Variants in SCD5 observed in about 807,000 individuals in gnomAD.
SCD5 encodes the protein acyl-CoA-desaturase 4.
Under a neutral mutation model 30.4 loss-of-function variants are expected in SCD5, and 20 were observed. That is an observed-to-expected ratio of 0.66 (90% CI 0.46 to 0.96). The LOEUF (loss-of-function observed/expected upper bound fraction) is 0.96, where lower values mean the gene tolerates loss of function less well. Among genes scored for constraint, SCD5 ranks in the 40% least tolerant of loss-of-function variants. SCD5 has a pLI of 0.00. For synonymous variants in SCD5, 173 were observed against 176.4 expected (o/e 0.98, Z 0.16); for missense variants, 381 against 443.3 (o/e 0.86, Z 1.26).
intron 4 of SCD5, among the ~76,000 whole-genome samples, chr4:82,634,567 C>T (rs1321263486): frequency 6.6e-6 from 1 of 152,124 alleles, no homozygotes; most frequent in Non-Finnish European, 1.5e-5. Context: ...CAGAAACAGA[C>T]ATTATGATGT....
chr4:82,753,772 G>T (rs1289956718), intron 1 of SCD5, among the ~76,000 whole-genome samples: 1 of 152,022 alleles, frequency 6.6e-6, no homozygotes, highest in Non-Finnish European at 1.5e-5. Context: ...TATAGGAAAA[G>T]CAGCCAGCAC....
intron 1 of SCD5, among the ~76,000 whole-genome samples, chr4:82,795,748 G>A (rs985035598): frequency 1.9e-4 from 28 of 145,018 alleles, no homozygotes; most frequent in African/African-American, 7.0e-4. Context: ...CTTGAGCCCA[G>A]GAGACTGAGA....
intron 4 of SCD5, 108 bp downstream of exon 4, chr4:82,636,468 GCTCAAGTTCACTGAA>G: frequency 1.8e-6 from 1 of 549,630 alleles, no homozygotes; most frequent in Non-Finnish European, 3.0e-6. Context: ...AAAAAAAAAA[GCTCAAGTTCACTGAA>G]CTCCATTCCA....
intron 3 of SCD5, among the ~76,000 whole-genome samples, chr4:82,649,168 T>C (rs1294440520): frequency 1.5e-5 from 2 of 134,756 alleles, no homozygotes; most frequent in Non-Finnish European, 3.1e-5. Flanking sequence ...CCAGCATAAA[T>C]AGGGTGAGAG....
intron 1 of SCD5, among the ~76,000 whole-genome samples, chr4:82,791,805 T>TAAA (rs1290393233): frequency 6.6e-6 from 1 of 151,892 alleles, no homozygotes; most frequent in Non-Finnish European, 1.5e-5. Context: ...TATAGATCCT[T>TAAA]AAAACAACAA....
intron 3 of SCD5, 149 bp downstream of exon 3, chr4:82,680,558 T>A (rs1444765846): frequency 1.6e-5 from 11 of 703,034 alleles, no homozygotes; most frequent in Admixed American, 5.8e-5. Flanking sequence ...AAAAGGAAAT[T>A]AATAAATAGA....
Position 82,653,679 on chromosome 4 carries a change from T to TAGAC in SCD5, c.570-16857_570-16856insGTCT, listed in dbSNP as rs1254415361. ...TTGGGCAGAATTTGAAAGTCAATGA[T>TAGAC]AGATAGATAGATAGATAGATAGATA... On this transcript the variant is annotated intron_variant, in intron 3 of 4. Coordinates refer to ENST00000319540, the MANE Select transcript of SCD5 (RefSeq NM_001037582.3). Among the ~76,000 whole-genome samples the TAGAC allele has an allele frequency of 2.9e-3, 422 of 145,162 alleles. 3 individuals are homozygous for TAGAC. Among genetic ancestry groups the TAGAC allele is most frequent in the Non-Finnish European group, 5.2e-3 (349 of 66,860 alleles).
At chr4:82,696,981 C>A (rs765976843) in intron 2 of SCD5, among the ~76,000 whole-genome samples, 1 of 152,194 alleles carries the variant, frequency 6.6e-6, no homozygotes, top group Admixed American at 6.5e-5. Context: ...GAATTAGACT[C>A]GTGGCTTCTA....
chr4:82,743,973 G>A (rs746160965), intron 1 of SCD5, among the ~76,000 whole-genome samples: 4 of 151,934 alleles, frequency 2.6e-5, no homozygotes, highest in Non-Finnish European at 4.4e-5. Context: ...CTACAGGCAC[G>A]CACCACCACA....
At chr4:82,772,946 A>G (rs1201100093) in intron 1 of SCD5, among the ~76,000 whole-genome samples, 1 of 152,218 alleles carries the variant, frequency 6.6e-6, no homozygotes, top group South Asian at 2.1e-4. Flanking sequence ...ATGAACAAAT[A>G]AAGTGGCTAG....
intron 1 of SCD5, among the ~76,000 whole-genome samples, chr4:82,760,095 AC>A (rs1721325347): frequency 6.6e-6 from 1 of 151,868 alleles, no homozygotes; most frequent in Non-Finnish European, 1.5e-5. Context: ...CCTCAATCCA[AC>A]CTATGCACAG....
intron 1 of SCD5, among the ~76,000 whole-genome samples, chr4:82,793,295 G>A (rs987843430): frequency 6.6e-6 from 1 of 152,136 alleles, no homozygotes; most frequent in African/African-American, 2.4e-5. Flanking sequence ...ATTGTAACTG[G>A]CTGTGCTCAA....
chr4:82,782,425 G>C (rs1406227758), intron 1 of SCD5, among the ~76,000 whole-genome samples: 2 of 152,076 alleles, frequency 1.3e-5, no homozygotes, highest in African/African-American at 4.8e-5. Context: ...TCCCATAGCA[G>C]GGCTGGTCCT....
intron 1 of SCD5, among the ~76,000 whole-genome samples, chr4:82,785,601 C>T (rs556915141): frequency 3.9e-5 from 6 of 152,278 alleles, no homozygotes; most frequent in Non-Finnish European, 5.9e-5. Context: ...CAATAAATTT[C>T]GATTTGTTTT....
intron 2 of SCD5, among the ~76,000 whole-genome samples, chr4:82,688,187 T>A (rs1728751514): frequency 6.6e-6 from 1 of 152,208 alleles, no homozygotes; most frequent in African/African-American, 2.4e-5. Flanking sequence ...CATCTTTGTT[T>A]CCAGTCAGTA....
chr4:82,636,018 T>C lies in SCD5; in HGVS notation c.802+573A>G, dbSNP rs574729680. On this transcript the variant is annotated intron_variant, in intron 4 of 4. Coordinates refer to ENST00000319540, the MANE Select transcript of SCD5 (RefSeq NM_001037582.3). Reference sequence around the variant, plus strand: ...CTGCTTCTCCTTTAGAACATTTCCATGGTCATGGTGAATAACTACTAGTTA... The same window carrying C: ...CTGCTTCTCCTTTAGAACATTTCCACGGTCATGGTGAATAACTACTAGTTA... Among the ~76,000 whole-genome samples, 13 of 152,352 alleles carry C rather than the reference T, an allele frequency of 8.5e-5. No individual in the cohort carries two copies. In the East Asian group the frequency reaches 2.5e-3, roughly 29 times the overall value.
chr4:82,704,674 C>T (rs1039666), intron 2 of SCD5, among the ~76,000 whole-genome samples: 143,582 of 152,320 alleles, frequency 0.94, 67,799 homozygotes, highest in East Asian at 1. Flanking sequence ...GATTCACAGC[C>T]AGCACCCATC....
chr4:82,642,871 C>G (rs116370934), intron 3 of SCD5, among the ~76,000 whole-genome samples: 1 of 152,198 alleles, frequency 6.6e-6, no homozygotes. Context: ...TATTCTTCCT[C>G]GTCCCATCCT....
At chr4:82,793,594 T>C (rs1194586533) in intron 1 of SCD5, among the ~76,000 whole-genome samples, 1 of 152,230 alleles carries the variant, frequency 6.6e-6, no homozygotes, top group Non-Finnish European at 1.5e-5. Context: ...GACTTTTTTT[T>C]CTTCTGCTAA....
Sources: gnomAD v4.1 joint callset for allele counts (sites outside exome capture counted in the v4.1 genomes callset) on GRCh38, gnomAD v4.1.1 for gene constraint, MANE v1.5 for transcripts, NCBI Gene and HGNC (gene_info 2026-07-23, HGNC 2026-07-21) for gene names.